DNAH17: variants seen among roughly 807,000 people sequenced by gnomAD.
DNAH17 encodes the protein dynein axonemal heavy chain 17.
A neutral mutation model predicts 485.6 loss-of-function variants in DNAH17; 376 were observed. The ratio of observed to expected loss-of-function variants is 0.77; its 90% CI spans 0.71 to 0.84. The LOEUF (loss-of-function observed/expected upper bound fraction) is 0.84, where lower values mean the gene tolerates loss of function less well. DNAH17 is among the 40% of genes least tolerant of loss of function. The pLI is 0.00. For missense variants in DNAH17, 6,370 were observed against 5,839.3 expected, an observed-to-expected ratio of 1.09 and a Z score of -2.96; for synonymous variants, 3,031 against 2,405.9, an observed-to-expected ratio of 1.26 and a Z score of -7.60.
At position 78,502,962 on chromosome 17, in the gene DNAH17, C is replaced by G. The variant is rs747387508; in HGVS notation, c.5006G>C (p.Arg1669Pro). The change falls in exon 32 of 81, where the codon CGG (arginine) becomes CCG (proline). Residue 1669 changes from arginine (R) to proline (P), a missense_variant. Coordinates refer to ENST00000389840, the MANE Select transcript of DNAH17 (RefSeq NM_173628.4). ...CACCACGGCCTCTGGGATTTCGTGC[C>G]GGAGGGTAGAGCACATTCGGTCCAG... is the stretch of plus-strand genomic sequence containing the variant. Reference protein sequence around the residue: ...RVLDRMCSTLRHEIPEAVVTY... With the variant: ...RVLDRMCSTLPHEIPEAVVTY... The G allele has an allele frequency of 3.1e-6, 5 of 1,613,856 alleles. No homozygotes were observed. Among genetic ancestry groups the G allele is most frequent in the Non-Finnish European group, 2.5e-6 (3 of 1,179,874 alleles).
intron 26 of DNAH17, among the ~76,000 whole-genome samples, chr17:78,512,160 C>T (rs1463265809): frequency 6.6e-6 from 1 of 152,224 alleles, no homozygotes; most frequent in Non-Finnish European, 1.5e-5. Context: ...TCCCCATTCT[C>T]CTACTTCCTG....
chr17:78,468,293 C>T (rs999674454), intron 55 of DNAH17, among the ~76,000 whole-genome samples: 8 of 152,102 alleles, frequency 5.3e-5, no homozygotes, highest in Non-Finnish European at 8.8e-5. Context: ...TTCAAAAATA[C>T]GACACTGTTT....
chr17:78,542,276 TAG>T (rs2091616288), intron 17 of DNAH17, among the ~76,000 whole-genome samples: 2 of 151,964 alleles, frequency 1.3e-5, no homozygotes, highest in African/African-American at 4.8e-5. Context: ...GCCTCCCAAG[TAG>T]CTAGGATTAC....
At chr17:78,508,455 T>C (rs2120661) in intron 27 of DNAH17, among the ~76,000 whole-genome samples, 94,732 of 152,124 alleles carry the variant, frequency 0.62, 30,206 homozygotes, top group African/African-American at 0.73. Context: ...ACTCTAACTG[T>C]GTTTTGGAGT....
chr17:78,470,069 CTTTTT>C (rs34298026), intron 54 of DNAH17, among the ~76,000 whole-genome samples: 26 of 93,380 alleles, frequency 2.8e-4, no homozygotes, highest in African/African-American at 1.0e-3. Flanking sequence ...ATGTCTTACT[CTTTTT>C]TTTTTTTTTT....
chr17:78,494,140 G>A lies in DNAH17; in HGVS notation c.6304C>T (p.Gln2102Ter). ...TTCAGCACGAAGCTGTCCTCCGCCT[G>A]CAGCTTGAGCTCCACGATGCTCTGC... is the stretch of plus-strand genomic sequence containing the variant. ...IKQSIVELKL[Q>*]AEDSFVLKVV... The change falls in exon 41 of 81, where the codon CAG becomes TAG. Residue 2102 changes from glutamine (Q) to a stop codon, truncating the protein, a stop_gained. Transcript: ENST00000389840. LOFTEE classifies it high-confidence loss of function. 1 of 1,612,688 alleles carries A rather than the reference G, an allele frequency of 6.2e-7. No homozygotes were observed.
At chr17:78,537,607 G>T in intron 18 of DNAH17, 126 bp from the exon 19 acceptor site, 1 of 1,138,948 alleles carries the variant, frequency 8.8e-7, no homozygotes, top group Non-Finnish European at 1.2e-6. Context: ...GGAAGCTTCT[G>T]AGAGCTCGTG....
chr17:78,482,019 A>C (rs903118373), intron 48 of DNAH17, among the ~76,000 whole-genome samples: 41 of 152,108 alleles, frequency 2.7e-4, no homozygotes, highest in African/African-American at 9.2e-4. Context: ...CATTTCAAAA[A>C]TAAAATAAAA....
At position 78,537,260 on chromosome 17, in the gene DNAH17, G is replaced by A. The variant is rs1056604485; in HGVS notation, c.2859+39C>T. 1.3e-5 allele frequency: 20 copies of A among 1,537,190 alleles called. No individual in the cohort carries two copies. The African/African-American group carries it at 1.5e-4, about 12-fold the overall frequency. On this transcript the variant is annotated intron_variant, in intron 19 of 80. Transcript: ENST00000389840. ...GGCAACACCAAATGGGGAAAGCAAT[G>A]GATGACCCTGTGTACGGCCAGAAGA...
intron 79 of DNAH17, 65 bp from the exon 80 acceptor site, chr17:78,425,636 G>C (rs763566876): frequency 6.9e-7 from 1 of 1,446,698 alleles, no homozygotes; most frequent in Non-Finnish European, 9.3e-7. Flanking sequence ...ACCGGGCCTT[G>C]GCCGTTCTGA....
At chr17:78,477,935 A>T (rs1419066937) in intron 51 of DNAH17, among the ~76,000 whole-genome samples, 20 of 150,856 alleles carry the variant, frequency 1.3e-4, no homozygotes, top group African/African-American at 4.9e-4. Flanking sequence ...CACCATCATC[A>T]CCACCATCAC....
At chr17:78,471,114 G>A (rs928411926) in intron 54 of DNAH17, among the ~76,000 whole-genome samples, 1 of 152,138 alleles carries the variant, frequency 6.6e-6, no homozygotes, top group African/African-American at 2.4e-5. Context: ...ATGGGCTTCT[G>A]TACTTATTGA....
chr17:78,479,172 T>C (rs923409148), intron 50 of DNAH17, 56 bp from the exon 51 acceptor site: 1 of 1,558,372 alleles, frequency 6.4e-7, no homozygotes, highest in Non-Finnish European at 8.8e-7. Flanking sequence ...CCCCAGGAAG[T>C]GCAAGCCTCA....
chr17:78,521,417 A>G (rs2090930631), intron 25 of DNAH17, among the ~76,000 whole-genome samples: 1 of 152,178 alleles, frequency 6.6e-6, no homozygotes, highest in Non-Finnish European at 1.5e-5. Context: ...AAAGAAAAAA[A>G]GAATTTTTTT....
At position 78,486,127 on chromosome 17, in the gene DNAH17, C is replaced by A; in HGVS notation, c.7108G>T (p.Asp2370Tyr). ...CATTTACTGAACTCCACTCGATAAT[C>A]CACAAGCTGTTGAGACACAGAAGTA... ...GGAMFQDQLV[D>Y]YRVEFSKWWI... The change falls in exon 46 of 81, where the codon GAT becomes TAT. Residue 2370 changes from aspartate (D) to tyrosine (Y), a missense_variant. Coordinates refer to ENST00000389840, the MANE Select transcript of DNAH17 (RefSeq NM_173628.4). 2 of 1,613,166 alleles carry A rather than the reference C, an allele frequency of 1.2e-6. No homozygotes were observed. Among genetic ancestry groups the A allele is most frequent in the South Asian group, 1.1e-5 (1 of 90,928 alleles).
chr17:78,527,045 A>G, intron 22 of DNAH17, 49 bp from the exon 23 acceptor site: 1 of 1,443,558 alleles, frequency 6.9e-7, no homozygotes, highest in South Asian at 1.3e-5. Flanking sequence ...TTCTTTTCTT[A>G]AACCTTCTAT....
intron 21 of DNAH17, among the ~76,000 whole-genome samples, chr17:78,530,098 C>T (rs181335828): frequency 7.6e-4 from 116 of 152,336 alleles, no homozygotes; most frequent in Admixed American, 6.4e-3. Flanking sequence ...TGGTTTCCTC[C>T]GCATCTGGCA....
chr17:78,456,884 C>T (rs1197952322), intron 62 of DNAH17, among the ~76,000 whole-genome samples: 2 of 152,186 alleles, frequency 1.3e-5, no homozygotes, highest in East Asian at 3.9e-4. Flanking sequence ...GTGGCAGCCA[C>T]CCACTTGGGA....
intron 38 of DNAH17, 53 bp from the exon 39 acceptor site, chr17:78,495,150 C>A: frequency 6.6e-7 from 1 of 1,524,006 alleles, no homozygotes; most frequent in Non-Finnish European, 8.8e-7. Context: ...CCCCAACCTA[C>A]ACCCCTGCCT....
Sources: gnomAD v4.1 joint callset for allele counts (sites outside exome capture counted in the v4.1 genomes callset) on GRCh38, gnomAD v4.1.1 for gene constraint, MANE v1.5 for transcripts, NCBI Gene and HGNC (gene_info 2026-07-23, HGNC 2026-07-21) for gene names.